The following YAE1 variants were observed in gnomAD, a reference collection of about 807,000 sequenced individuals.
YAE1 encodes protein YAE1 homolog.
YAE1 carries 22 observed loss-of-function variants against 23.0 expected under a neutral mutation model. The ratio of observed to expected loss-of-function variants is 0.96; its 90% CI spans 0.68 to 1.37. The LOEUF (loss-of-function observed/expected upper bound fraction) is 1.37, where lower values mean the gene tolerates loss of function less well. YAE1 is among the 40% of genes most tolerant of loss of function. The pLI is 0.00. For missense variants in YAE1, 260 were observed against 262.1 expected (o/e 0.99, Z 0.06); for synonymous variants, 101 against 97.0 (o/e 1.04, Z -0.24).
At chr7:39,587,991 C>T (rs760123574) in intron 2 of YAE1, among the ~76,000 whole-genome samples, 3 of 152,118 alleles carry the variant, frequency 2.0e-5, no homozygotes, top group Non-Finnish European at 2.9e-5. Flanking sequence ...CAATTGGCTC[C>T]AATTCATTCT....
chr7:39,609,573 T>C (rs1368830410), intron 2 of YAE1: 3 of 1,517,156 alleles, frequency 2.0e-6, no homozygotes, highest in Non-Finnish European at 2.7e-6. Context: ...GGGACAGTGA[T>C]AACAGAGCCA....
Position 39,566,510 on chromosome 7 carries a change from A to T in YAE1, c.92A>T (p.Gln31Leu). ...GAAGCAGACGAGTCGCTCCTGGCGC[A>T]GCGGGAATGGCAGAGTAACATGCAA... ...DEEADESLLA[Q>L]REWQSNMQRR... Residue 31 changes from glutamine to leucine, a missense_variant, in exon 1 of 3, where the codon CAG (glutamine) becomes CTG (leucine). By Grantham distance (113) the Gln-to-Leu change is moderately radical. Transcript: ENST00000223273. 6.2e-7 allele frequency: 1 copy of T among 1,614,170 alleles called. No homozygotes were observed. The highest frequency in any genetic ancestry group is 8.5e-7 in the Non-Finnish European group (1 of 1,180,002).
intron 2 of YAE1, among the ~76,000 whole-genome samples, chr7:39,608,482 AGG>A: frequency 6.6e-6 from 1 of 152,172 alleles, no homozygotes; most frequent in Non-Finnish European, 1.5e-5. Context: ...GAAAAAGAAA[AGG>A]GTAGAAAACA....
intron 2 of YAE1, among the ~76,000 whole-genome samples, chr7:39,600,810 T>G (rs1791045423): frequency 6.6e-6 from 1 of 152,164 alleles, no homozygotes; most frequent in South Asian, 2.1e-4. Context: ...TGGGAAAGAT[T>G]GTCAACAAAG....
intron 2 of YAE1, among the ~76,000 whole-genome samples, chr7:39,586,269 T>C (rs1255029885): frequency 6.6e-6 from 1 of 150,758 alleles, no homozygotes; most frequent in Non-Finnish European, 1.5e-5. Flanking sequence ...ACCTCCCGGG[T>C]TCACGCCATT....
At chr7:39,567,077 A>T (rs1005255814) in intron 1 of YAE1, 1 of 152,290 alleles carries the variant, frequency 6.6e-6, no homozygotes, top group Non-Finnish European at 1.5e-5. Flanking sequence ...GTTAGATGTA[A>T]CTTTTTCATC....
At chr7:39,603,460 A>C (rs915208368) in intron 2 of YAE1, among the ~76,000 whole-genome samples, 1 of 152,212 alleles carries the variant, frequency 6.6e-6, no homozygotes, top group African/African-American at 2.4e-5. Context: ...TTTGATATGC[A>C]AAAGTAAACC....
chr7:39,567,917 A>C (rs1790500580), intron 1 of YAE1, among the ~76,000 whole-genome samples: 1 of 152,210 alleles, frequency 6.6e-6, no homozygotes, highest in Non-Finnish European at 1.5e-5. Context: ...ATGCCCTTTA[A>C]GGAGTATGCT....
intron 2 of YAE1, among the ~76,000 whole-genome samples, chr7:39,604,725 A>G (rs1562597678): frequency 1.3e-5 from 2 of 152,232 alleles, no homozygotes; most frequent in African/African-American, 4.8e-5. Context: ...TAAGAGAAAC[A>G]GAGCCTCAAA....
intron 2 of YAE1, among the ~76,000 whole-genome samples, chr7:39,598,975 T>C (rs1160050994): frequency 2.0e-5 from 3 of 151,936 alleles, no homozygotes; most frequent in African/African-American, 7.3e-5. Flanking sequence ...TGCCAGGCCA[T>C]CTTAGGTTTA....
intron 2 of YAE1, among the ~76,000 whole-genome samples, chr7:39,587,047 C>T (rs1043397398): frequency 5.0e-5 from 7 of 138,990 alleles, no homozygotes; most frequent in Non-Finnish European, 9.6e-5. Context: ...TCTTTCTTTT[C>T]TTTCTTTCTC....
downstream of YAE1, among the ~76,000 whole-genome samples, chr7:39,577,301 C>T (rs62453605): frequency 0.036 from 5,446 of 152,388 alleles, 147 homozygotes; most frequent in Non-Finnish European, 0.055. Flanking sequence ...GCAGCCCTCT[C>T]TCACTCTAGG....
intron 2 of YAE1, among the ~76,000 whole-genome samples, chr7:39,600,304 T>G (rs1040502709): frequency 5.3e-5 from 8 of 152,210 alleles, no homozygotes; most frequent in Non-Finnish European, 1.0e-4. Context: ...GAAATAGGGT[T>G]ATTGATATAA....
At chr7:39,609,502 T>C in intron 2 of YAE1, 1 of 1,373,594 alleles carries the variant, frequency 7.3e-7, no homozygotes, top group East Asian at 2.6e-5. Context: ...AGACAAATCT[T>C]CGTTATAAGT....
intron 1 of YAE1, chr7:39,569,670 A>G: frequency 5.8e-6 from 4 of 684,840 alleles, no homozygotes; most frequent in Non-Finnish European, 1.1e-5. Context: ...TGATCCCCAC[A>G]CTGGCAATCC....
At chr7:39,609,582 C>T (rs1791176849) in intron 2 of YAE1, 2 of 1,520,218 alleles carry the variant, frequency 1.3e-6, no homozygotes, top group Non-Finnish European at 1.8e-6. Context: ...ATAACAGAGC[C>T]AAATCTCTGT....
chr7:39,610,720 A>T (rs1400458699), downstream of YAE1, among the ~76,000 whole-genome samples: 8 of 152,230 alleles, frequency 5.3e-5, no homozygotes, highest in African/African-American at 1.9e-4. Context: ...GCAGAAAATT[A>T]TGGTTAAAAA....
chr7:39,575,779 C>G (rs1278547221), downstream of YAE1, among the ~76,000 whole-genome samples: 3 of 152,188 alleles, frequency 2.0e-5, no homozygotes, highest in South Asian at 2.1e-4. Flanking sequence ...CTCATGCACT[C>G]TCCACCTTTA....
At chr7:39,590,148 TTAAG>T (rs1233581012) in intron 2 of YAE1, among the ~76,000 whole-genome samples, 2 of 152,206 alleles carry the variant, frequency 1.3e-5, no homozygotes, top group African/African-American at 4.8e-5. Context: ...ATGCTATATA[TTAAG>T]TATTTAGTAC....
Sources: allele counts gnomAD v4.1 joint callset (sites outside exome capture counted in the v4.1 genomes callset), GRCh38; gene constraint gnomAD v4.1.1; transcripts MANE v1.5; gene names NCBI Gene and HGNC (gene_info 2026-07-23, HGNC 2026-07-21).